The following FSTL5 variants were observed in gnomAD, a reference collection of about 807,000 sequenced individuals.
The protein encoded by FSTL5 is follistatin-related protein 5.
Under a neutral mutation model 89.1 loss-of-function variants are expected in FSTL5, and 62 were observed. The ratio of observed to expected loss-of-function variants is 0.70; its 90% CI spans 0.57 to 0.86. FSTL5 has a LOEUF of 0.86. Ranked by LOEUF, FSTL5 falls within the 40% of genes least tolerant of loss-of-function variation. The pLI, the probability that FSTL5 is intolerant of heterozygous loss-of-function variation, is 0.00. For synonymous variants in FSTL5, 383 were observed against 346.2 expected (o/e 1.11, Z -1.18); for missense variants, 1,057 against 1,001.6 (o/e 1.06, Z -0.75).
intron 4 of FSTL5, among the ~76,000 whole-genome samples, chr4:161,879,149 C>A (rs967950867): frequency 5.3e-5 from 8 of 152,126 alleles, no homozygotes; most frequent in Non-Finnish European, 1.2e-4. Context: ...GGTGATATTA[C>A]CAACATCTCT....
chr4:161,731,689 C>G (rs1354325766), intron 6 of FSTL5, among the ~76,000 whole-genome samples: 1 of 151,692 alleles, frequency 6.6e-6, no homozygotes, highest in African/African-American at 2.4e-5. Flanking sequence ...AAAACAGTGA[C>G]TGTTTCTTGA....
intron 4 of FSTL5, among the ~76,000 whole-genome samples, chr4:161,886,666 C>T (rs999370657): frequency 1.4e-4 from 22 of 152,212 alleles, no homozygotes; most frequent in African/African-American, 5.3e-4. Flanking sequence ...TCATCATTAC[C>T]TTTATCTGTA....
chr4:161,676,313 C>G (rs1304070267), intron 6 of FSTL5, among the ~76,000 whole-genome samples: 1 of 151,986 alleles, frequency 6.6e-6, no homozygotes, highest in African/African-American at 2.4e-5. Context: ...CCACGAAATA[C>G]TATGCAGTCA....
At chr4:162,067,585 C>T (rs1338646929) in intron 2 of FSTL5, among the ~76,000 whole-genome samples, 1 of 151,956 alleles carries the variant, frequency 6.6e-6, no homozygotes, top group Non-Finnish European at 1.5e-5. Context: ...TATGACAAAC[C>T]CACAGCCAGT....
At chr4:161,435,180 T>C (rs1436962059) in intron 15 of FSTL5, among the ~76,000 whole-genome samples, 1 of 152,074 alleles carries the variant, frequency 6.6e-6, no homozygotes. Context: ...AGCTAAGTGC[T>C]CATCACCAGA....
intron 2 of FSTL5, among the ~76,000 whole-genome samples, chr4:162,078,298 T>C (rs192872074): frequency 1.3e-5 from 2 of 152,014 alleles, no homozygotes; most frequent in East Asian, 3.9e-4. Flanking sequence ...AAATCATTTT[T>C]AGATAAGATA....
chr4:161,849,193 A>C (rs1560879950), intron 4 of FSTL5, among the ~76,000 whole-genome samples: 1 of 152,178 alleles, frequency 6.6e-6, no homozygotes, highest in Non-Finnish European at 1.5e-5. Flanking sequence ...ACTCACTTTT[A>C]AATCTGAAAC....
chr4:161,477,936 G>A (rs1001234739), intron 13 of FSTL5, among the ~76,000 whole-genome samples: 6 of 151,998 alleles, frequency 3.9e-5, no homozygotes, highest in African/African-American at 7.2e-5. Flanking sequence ...TAGCAGGAAT[G>A]TATAGAAATT....
intron 7 of FSTL5, among the ~76,000 whole-genome samples, chr4:161,600,209 C>G (rs1475408591): frequency 8.2e-6 from 1 of 121,388 alleles, no homozygotes; most frequent in Non-Finnish European, 1.8e-5. Context: ...AAACAGTATG[C>G]CTCCATTTAT....
At chr4:161,720,798 G>A (rs28780750) in intron 6 of FSTL5, among the ~76,000 whole-genome samples, 25 of 152,226 alleles carry the variant, frequency 1.6e-4, no homozygotes, top group African/African-American at 6.0e-4. Flanking sequence ...CCACTTATAA[G>A]ACAAACCCAA....
In FSTL5 at chr4:161,385,990, G is replaced by A. The variant is rs1241625118; in HGVS notation, c.2301C>T (p.Leu767=). The A allele has an allele frequency of 6.2e-7, 1 of 1,613,760 alleles. No individual in the cohort carries two copies. Among genetic ancestry groups the A allele is most frequent in the East Asian group, 2.2e-5 (1 of 44,866 alleles). The change falls in exon 16 of 16, where the codon CTC becomes CTT. Residue 767 remains leucine (L), a synonymous_variant. Transcript: ENST00000306100. ...YGSSSTQTDV[L]FVELSSGKVK... is the part of the protein sequence containing the mutation. The stretch of plus-strand genomic sequence containing the variant: ...CCTTCCCAGAAGAGAGCTCCACAAA[G>A]AGCACATCAGTTTGTGTGCTTGAAC...
Position 161,386,070 on chromosome 4 carries a change from C to G in FSTL5, c.2221G>C (p.Asp741His). 1 of 1,614,008 alleles carries G rather than the reference C, an allele frequency of 6.2e-7. No individual in the cohort carries two copies. ...FDIYTNLHIS[D>H]LAFQPSFTEA... ...GTAAAGGATGGTTGAAATGCCAGAT[C>G]AGATATGTGCAGATTTGTGTAAATA... is the stretch of plus-strand genomic sequence containing the variant. Residue 741 changes from aspartate to histidine, a missense_variant, in exon 16 of 16, where the codon GAT becomes CAT. Asp to His is a moderately conservative substitution (Grantham distance 81). Coordinates refer to ENST00000306100, the MANE Select transcript of FSTL5 (RefSeq NM_020116.5).
chr4:162,163,453 T>TAAA (rs1186499031), intron 1 of FSTL5, among the ~76,000 whole-genome samples, 162 bp downstream of exon 1: 7 of 145,218 alleles, frequency 4.8e-5, no homozygotes, highest in African/African-American at 1.8e-4. Flanking sequence ...ATAATAATAA[T>TAAA]AATAATAATA....
intron 8 of FSTL5, among the ~76,000 whole-genome samples, chr4:161,586,337 TTTAAG>T (rs1178817604): frequency 6.6e-6 from 1 of 152,180 alleles, no homozygotes; most frequent in Non-Finnish European, 1.5e-5. Flanking sequence ...TATAATTATA[TTTAAG>T]TTAACATGCT....
chr4:161,616,081 C>A (rs1030791087), intron 7 of FSTL5, among the ~76,000 whole-genome samples: 21 of 149,386 alleles, frequency 1.4e-4, no homozygotes, highest in African/African-American at 3.9e-4. Flanking sequence ...TTTTCTTTTT[C>A]TTTTTTTATT....
At chr4:161,990,553 T>G (rs1202883399) in intron 3 of FSTL5, among the ~76,000 whole-genome samples, 1 of 152,114 alleles carries the variant, frequency 6.6e-6, no homozygotes, top group East Asian at 1.9e-4. Flanking sequence ...AAACTCAACG[T>G]TAACTTATAT....
At chr4:161,860,119 T>A (rs1464732516) in intron 4 of FSTL5, among the ~76,000 whole-genome samples, 1 of 151,954 alleles carries the variant, frequency 6.6e-6, no homozygotes, top group African/African-American at 2.4e-5. Context: ...AAACCCCGTC[T>A]CTACTAAAAA....
In FSTL5 at chr4:161,860,121, T is replaced by C. The variant is rs1167890577; in HGVS notation, c.409+60283A>G. 5.9e-5 allele frequency among the ~76,000 whole-genome samples: 9 copies of C among 152,094 alleles called. No individual in the cohort carries two copies. The East Asian group carries it at 1.8e-3, about 30-fold the overall frequency. On this transcript the variant is annotated intron_variant, in intron 4 of 15. Transcript: ENST00000306100. ...GGCTAGCGCAGTGAAACCCCGTCTC[T>C]ACTAAAAATACAAAAAATTAGCCGG...
intron 4 of FSTL5, among the ~76,000 whole-genome samples, chr4:161,920,168 G>T (rs897649651): frequency 6.6e-6 from 1 of 152,148 alleles, no homozygotes; most frequent in South Asian, 2.1e-4. Context: ...GTGCAATGCT[G>T]AAAGCTATAT....
Sources: gnomAD v4.1 joint callset for allele counts (sites outside exome capture counted in the v4.1 genomes callset) on GRCh38, gnomAD v4.1.1 for gene constraint, MANE v1.5 for transcripts, NCBI Gene and HGNC (gene_info 2026-07-23, HGNC 2026-07-21) for gene names.